RASAL2: variants seen among roughly 807,000 people sequenced by gnomAD.
RASAL2 encodes the protein RAS protein activator like 2.
RASAL2 carries 58 observed loss-of-function variants against 128.9 expected under a neutral mutation model. That is an observed-to-expected ratio of 0.45 (90% CI 0.36 to 0.56). The LOEUF (loss-of-function observed/expected upper bound fraction) is 0.56, where lower values mean the gene tolerates loss of function less well. Among genes scored for constraint, RASAL2 ranks in the 20% least tolerant of loss-of-function variants. RASAL2 has a pLI of 0.00. For synonymous variants in RASAL2, 561 were observed against 580.8 expected, an observed-to-expected ratio of 0.97 and a Z score of 0.49; for missense variants, 1,360 against 1,601.6, an observed-to-expected ratio of 0.85 and a Z score of 2.57.
chr1:178,141,691 C>T (rs1280528992), intron 1 of RASAL2, among the ~76,000 whole-genome samples: 3 of 152,196 alleles, frequency 2.0e-5, no homozygotes, highest in Middle Eastern at 3.4e-3. Flanking sequence ...TCATTAACAT[C>T]GGAGCATGGG....
chr1:178,433,999 A>T (rs16852801), intron 5 of RASAL2, among the ~76,000 whole-genome samples: 15,690 of 152,038 alleles, frequency 0.1, 862 homozygotes, highest in Middle Eastern at 0.15. Context: ...TATGGCAATT[A>T]TGAGACTAAA....
chr1:178,155,475 A>T (rs1483486405), intron 1 of RASAL2, among the ~76,000 whole-genome samples: 1 of 151,814 alleles, frequency 6.6e-6, no homozygotes, highest in Non-Finnish European at 1.5e-5. Flanking sequence ...AAAAAAAAAA[A>T]AAAATTTTAG....
intron 1 of RASAL2, among the ~76,000 whole-genome samples, chr1:178,199,270 A>G (rs1187916929): frequency 6.6e-6 from 1 of 152,178 alleles, no homozygotes; most frequent in Non-Finnish European, 1.5e-5. Context: ...GGGTGAGGTG[A>G]TGCCCCACCC....
At chr1:178,403,150 C>T (rs76823127) in intron 4 of RASAL2, among the ~76,000 whole-genome samples, 7 of 152,150 alleles carry the variant, frequency 4.6e-5, no homozygotes, top group Non-Finnish European at 8.8e-5. Context: ...AATCAGTATA[C>T]GCCTCATTAA....
intron 2 of RASAL2, among the ~76,000 whole-genome samples, chr1:178,287,477 CT>C (rs1367638694): frequency 6.6e-6 from 1 of 151,778 alleles, no homozygotes; most frequent in Non-Finnish European, 1.5e-5. Flanking sequence ...TATAATCCTA[CT>C]CCTGGCTATC....
rs1157781979 is a variant in RASAL2, at chr1:178,442,661, T to C, written c.928-14T>C. 12 of 1,561,500 alleles carry C rather than the reference T, an allele frequency of 7.7e-6. No homozygotes were observed. The Admixed American group carries it at 2.3e-4, about 29-fold the overall frequency. Reference sequence around the variant, plus strand: ...ATGTCAGCTCTGAAATTCAGCTTTGTTGCCTCTTTATAGGACAATTGCAGG... The same window carrying C: ...ATGTCAGCTCTGAAATTCAGCTTTGCTGCCTCTTTATAGGACAATTGCAGG... On this transcript the variant is annotated splice_polypyrimidine_tract_variant and intron_variant, in intron 7 of 17. Transcript: ENST00000367649.
chr1:178,396,935 G>GA (rs1673274774), intron 4 of RASAL2, among the ~76,000 whole-genome samples: 1 of 151,102 alleles, frequency 6.6e-6, no homozygotes, highest in Non-Finnish European at 1.5e-5. Flanking sequence ...TATTCATTAA[G>GA]AAAAAAATCA....
At chr1:178,323,963 A>G (rs1425818247) in intron 3 of RASAL2, among the ~76,000 whole-genome samples, 1 of 152,218 alleles carries the variant, frequency 6.6e-6, no homozygotes, top group Non-Finnish European at 1.5e-5. Context: ...ACTAGAACAC[A>G]TTCTGTCTGG....
chr1:178,166,739 T>G (rs1030700276), intron 1 of RASAL2, among the ~76,000 whole-genome samples: 12 of 152,096 alleles, frequency 7.9e-5, no homozygotes. Flanking sequence ...GACTATACAT[T>G]AGGAGTATTT....
rs1358816385 is a variant in RASAL2 at position 178,162,965 on chromosome 1, C to G, written c.202+68271C>G. On this transcript the variant is annotated intron_variant, in intron 1 of 17. Coordinates refer to ENST00000367649, the MANE Select transcript of RASAL2 (RefSeq NM_170692.4). ...ATTTCCTCCCTTTTGCAGATTTTTA[C>G]ACTTTCTTTGTTTTTTATTTTCCAA... Among the ~76,000 whole-genome samples, 3 of 151,806 alleles carry G rather than the reference C, an allele frequency of 2.0e-5. No individual in the cohort carries two copies. The East Asian group carries it at 5.8e-4, about 29-fold the overall frequency.
intron 1 of RASAL2, among the ~76,000 whole-genome samples, chr1:178,159,486 A>C (rs316250): frequency 0.93 from 141,006 of 152,246 alleles, 65,690 homozygotes; most frequent in Non-Finnish European, 0.98. Flanking sequence ...TAGAAAATAA[A>C]ATAAAACAAA....
chr1:178,437,286 T>G (rs932205013), intron 5 of RASAL2, among the ~76,000 whole-genome samples: 1 of 152,092 alleles, frequency 6.6e-6, no homozygotes, highest in African/African-American at 2.4e-5. Flanking sequence ...TGGAAAACAT[T>G]TATTCAAAGA....
chr1:178,113,491 T>C (rs1229100045), intron 1 of RASAL2, among the ~76,000 whole-genome samples: 1 of 151,138 alleles, frequency 6.6e-6, no homozygotes, highest in Non-Finnish European at 1.5e-5. Context: ...TGTGTATGTG[T>C]GTGGGCATGC....
intron 4 of RASAL2, among the ~76,000 whole-genome samples, chr1:178,412,558 T>C (rs1674460932): frequency 6.6e-6 from 1 of 152,214 alleles, no homozygotes; most frequent in Non-Finnish European, 1.5e-5. Context: ...TACTGCCCAC[T>C]CTGTGCAATC....
At chr1:178,161,528 T>C (rs961252274) in intron 1 of RASAL2, among the ~76,000 whole-genome samples, 3 of 152,220 alleles carry the variant, frequency 2.0e-5, no homozygotes, top group African/African-American at 7.2e-5. Flanking sequence ...TGATGGACAT[T>C]TGGGTTTTTT....
Position 178,231,923 on chromosome 1 carries a change from C to T in RASAL2, c.203-51641C>T, listed in dbSNP as rs190485015. ...GAGACTATATAAACAAATCAAAATG[C>T]AGTTATTGGTTGATGATAATAGTGA... On this transcript the variant is annotated intron_variant, in intron 1 of 17. Transcript: ENST00000367649. Among the ~76,000 whole-genome samples, 151 of 152,086 alleles carry T rather than the reference C, an allele frequency of 9.9e-4. 1 individual carries two copies. Among genetic ancestry groups the T allele is most frequent in the Non-Finnish European group, 1.3e-3 (91 of 67,984 alleles).
At chr1:178,135,841 T>A (rs1472705545) in intron 1 of RASAL2, among the ~76,000 whole-genome samples, 1 of 152,114 alleles carries the variant, frequency 6.6e-6, no homozygotes. Flanking sequence ...GATGCAAAAG[T>A]GGAAACCCCT....
intron 3 of RASAL2, among the ~76,000 whole-genome samples, chr1:178,351,708 G>C (rs1011265249): frequency 1.4e-5 from 2 of 145,274 alleles, no homozygotes; most frequent in African/African-American, 5.3e-5. Flanking sequence ...CAGCCTGGAT[G>C]ACAGAGCGAG....
At chr1:178,130,313 A>G (rs1263237679) in intron 1 of RASAL2, among the ~76,000 whole-genome samples, 1 of 152,174 alleles carries the variant, frequency 6.6e-6, no homozygotes, top group African/African-American at 2.4e-5. Context: ...TGGAGGTTGA[A>G]GGTTAAAAGA....
Sources: gnomAD v4.1 joint callset for allele counts (sites outside exome capture counted in the v4.1 genomes callset) on GRCh38, gnomAD v4.1.1 for gene constraint, MANE v1.5 for transcripts, NCBI Gene and HGNC (gene_info 2026-07-23, HGNC 2026-07-21) for gene names.